INPP5A: variants seen among roughly 807,000 people sequenced by gnomAD.
INPP5A encodes the protein 43 kDa inositol polyphosphate 5-phophatase.
In INPP5A, 14 loss-of-function variants were observed where a neutral mutation model predicts 65.2. That is an observed-to-expected ratio of 0.21 (90% CI 0.14 to 0.34). The LOEUF is 0.34. INPP5A is among the 10% of genes least tolerant of loss of function. The pLI is 1.00. For missense variants in INPP5A, 431 were observed against 545.6 expected (o/e 0.79, Z 2.09); for synonymous variants, 207 against 208.3 (o/e 0.99, Z 0.05).
intron 8 of INPP5A, among the ~76,000 whole-genome samples, chr10:132,720,825 G>C (rs1351163055): frequency 6.7e-6 from 1 of 150,020 alleles, no homozygotes; most frequent in Admixed American, 6.7e-5. Flanking sequence ...CGGGTTCTGT[G>C]GTACCTGGGT....
chr10:132,566,272 A>C (rs891624293), intron 1 of INPP5A, among the ~76,000 whole-genome samples: 2 of 152,216 alleles, frequency 1.3e-5, no homozygotes, highest in African/African-American at 4.8e-5. Flanking sequence ...TCGACTTGTC[A>C]AAGTTGCTGT....
chr10:132,656,821 C>T (rs576532893), intron 4 of INPP5A, among the ~76,000 whole-genome samples: 9 of 152,298 alleles, frequency 5.9e-5, no homozygotes, highest in Admixed American at 2.6e-4. Flanking sequence ...GGCCCGGAGG[C>T]GTGTGCACCC....
intron 4 of INPP5A, among the ~76,000 whole-genome samples, chr10:132,671,945 G>A (rs1330986116): frequency 6.6e-6 from 1 of 152,180 alleles, no homozygotes; most frequent in African/African-American, 2.4e-5. Flanking sequence ...CCAGGGTGAC[G>A]GTGGGGGTGG....
intron 1 of INPP5A, among the ~76,000 whole-genome samples, chr10:132,579,004 C>T (rs776315041): frequency 6.6e-6 from 1 of 152,208 alleles, no homozygotes; most frequent in Non-Finnish European, 1.5e-5. Flanking sequence ...GGAAGCTGCT[C>T]GTCCTCTTGT....
At chr10:132,764,712 G>A (rs1846804161) in intron 11 of INPP5A, among the ~76,000 whole-genome samples, 1 of 138,250 alleles carries the variant, frequency 7.2e-6, no homozygotes, top group Admixed American at 7.2e-5. Context: ...TGGTGGGAGG[G>A]TGTGTGTGGT....
intron 7 of INPP5A, 66 bp downstream of exon 7, chr10:132,708,431 G>A (rs551407568): frequency 5.5e-5 from 82 of 1,495,218 alleles, no homozygotes; most frequent in East Asian, 2.7e-4. Flanking sequence ...TTGCACCAGC[G>A]GCATGTTCCA....
At chr10:132,601,599 A>G (rs1275032175) in intron 1 of INPP5A, among the ~76,000 whole-genome samples, 10 of 152,064 alleles carry the variant, frequency 6.6e-5, no homozygotes, top group Admixed American at 3.3e-4. Context: ...TTTCTCCCCT[A>G]TGTTTTCTTC....
chr10:132,625,489 A>G (rs2072170603), intron 2 of INPP5A, among the ~76,000 whole-genome samples: 1 of 152,150 alleles, frequency 6.6e-6, no homozygotes, highest in Non-Finnish European at 1.5e-5. Flanking sequence ...AGGTGCAGGA[A>G]AAACCAGCTG....
intron 8 of INPP5A, among the ~76,000 whole-genome samples, chr10:132,722,159 A>C (rs906911583): frequency 3.9e-5 from 6 of 152,232 alleles, no homozygotes; most frequent in Admixed American, 3.3e-4. Flanking sequence ...TTGTTTGATC[A>C]GAGAATGTGG....
rs1448888180 is a variant in INPP5A at position 132,650,521 on chromosome 10, T to A, written c.306+16T>A. Reference sequence around the variant, plus strand: ...GCACTTCACGGTGAGTCCCTCCCGCTGCCTGGTGCAGGGGTCAGACAGGCT... The same window carrying A: ...GCACTTCACGGTGAGTCCCTCCCGCAGCCTGGTGCAGGGGTCAGACAGGCT... On this transcript the variant is annotated intron_variant, in intron 4 of 15. Transcript: ENST00000368594. This position sits in a 1 kb window ranked among gnomAD's most constrained non-coding sequence, Gnocchi z 5.5. 6.3e-7 allele frequency: 1 copy of A among 1,584,098 alleles called. No individual in the cohort carries two copies. Among genetic ancestry groups the A allele is most frequent in the Non-Finnish European group, 8.7e-7 (1 of 1,153,814 alleles).
intron 1 of INPP5A, among the ~76,000 whole-genome samples, chr10:132,588,215 T>C (rs1158231431): frequency 6.6e-6 from 1 of 152,350 alleles, no homozygotes; most frequent in South Asian, 2.1e-4. Context: ...GAATTATCTC[T>C]CATCAGAAGG....
At chr10:132,771,848 C>T (rs1190182797) in intron 12 of INPP5A, among the ~76,000 whole-genome samples, 13 of 118,772 alleles carry the variant, frequency 1.1e-4, no homozygotes, top group African/African-American at 3.8e-4. Flanking sequence ...AGCACTGACA[C>T]GGAGGCCACA....
chr10:132,719,473 C>A (rs1391361866), intron 8 of INPP5A, among the ~76,000 whole-genome samples: 1 of 147,310 alleles, frequency 6.8e-6, no homozygotes, highest in Non-Finnish European at 1.5e-5. Context: ...CCTTAGACGG[C>A]TGTCTTGCGG....
rs183156489 is a variant in INPP5A at position 132,659,947 on chromosome 10, C to T, written c.306+9442C>T. Among the ~76,000 whole-genome samples the T allele has an allele frequency of 9.2e-5, 14 of 152,332 alleles. No homozygotes were observed. Among genetic ancestry groups the T allele is most frequent in the East Asian group, 5.8e-4 (3 of 5,190 alleles). ...GACATGTGACATACAACACATGACACGCGGCATACTCCCTGTGACATGGCA... is the reference window on the plus strand; with the variant it reads ...GACATGTGACATACAACACATGACATGCGGCATACTCCCTGTGACATGGCA... On this transcript the variant is annotated intron_variant, in intron 4 of 15. Coordinates refer to ENST00000368594, the MANE Select transcript of INPP5A (RefSeq NM_005539.5). The surrounding 1 kb of genome is among the most constrained non-coding windows in gnomAD (Gnocchi z 5.5).
chr10:132,643,897 C>T (rs1003591382), intron 2 of INPP5A, among the ~76,000 whole-genome samples: 6 of 152,054 alleles, frequency 3.9e-5, no homozygotes, highest in African/African-American at 7.2e-5. Flanking sequence ...TTGGTGACCC[C>T]GTGGTGTCCT....
chr10:132,613,309 G>A (rs1011771338), intron 2 of INPP5A, among the ~76,000 whole-genome samples: 2 of 142,802 alleles, frequency 1.4e-5, no homozygotes, highest in African/African-American at 2.6e-5. Context: ...GAGTCCCCCC[G>A]CAGGGCCCCC....
At chr10:132,571,597 A>G (rs2071342294) in intron 1 of INPP5A, among the ~76,000 whole-genome samples, 1 of 152,250 alleles carries the variant, frequency 6.6e-6, no homozygotes, top group Non-Finnish European at 1.5e-5. Flanking sequence ...TGTGCCAGAT[A>G]GTGCTGTAAG....
intron 12 of INPP5A, 133 bp from the exon 13 acceptor site, chr10:132,777,538 C>T: frequency 1.4e-6 from 1 of 723,756 alleles, no homozygotes; most frequent in Non-Finnish European, 2.3e-6. Context: ...TAGAAACTTC[C>T]ATGTGTGTAT....
At position 132,545,321 on chromosome 10, in the gene INPP5A, G is replaced by C. The variant is rs975247820; in HGVS notation, c.75+7150G>C. On this transcript the variant is annotated intron_variant, in intron 1 of 15. Coordinates refer to ENST00000368594, the MANE Select transcript of INPP5A (RefSeq NM_005539.5). This position sits in a 1 kb window ranked among gnomAD's most constrained non-coding sequence, Gnocchi z 4.6. ...TCAAATTTAGAGCCCCTCTGTCCAG[G>C]GGCTAGAGGGGCATTCGGAAGACTT... Among the ~76,000 whole-genome samples the C allele has an allele frequency of 6.6e-6, 1 of 152,154 alleles. No individual in the cohort carries two copies. Among genetic ancestry groups the C allele is most frequent in the Non-Finnish European group, 1.5e-5 (1 of 68,028 alleles).
Sources: gnomAD v4.1 joint callset for allele counts (sites outside exome capture counted in the v4.1 genomes callset) on GRCh38, gnomAD v4.1.1 for gene constraint, Gnocchi (gnomAD v3.1) non-coding constraint, MANE v1.5 for transcripts, NCBI Gene and HGNC (gene_info 2026-07-23, HGNC 2026-07-21) for gene names.